ARHGAP32: variants seen among roughly 807,000 people sequenced by gnomAD.
ARHGAP32 encodes rho GTPase-activating protein 32.
Under a neutral mutation model 186.5 loss-of-function variants are expected in ARHGAP32, and 51 were observed. The ratio of observed to expected loss-of-function variants is 0.27; its 90% CI spans 0.22 to 0.35. The LOEUF is 0.35. ARHGAP32 is among the 10% of genes least tolerant of loss of function. The pLI is 1.00. For missense variants in ARHGAP32, 2,186 were observed against 2,623.5 expected (o/e 0.83, Z 3.64); for synonymous variants, 950 against 964.3 (o/e 0.99, Z 0.27).
chr11:129,184,772 T>C (rs1944126131), intron 1 of ARHGAP32, among the ~76,000 whole-genome samples: 1 of 151,980 alleles, frequency 6.6e-6, no homozygotes, highest in South Asian at 2.1e-4. Flanking sequence ...AAAGAAACTC[T>C]TAACAAGTAG....
intron 5 of ARHGAP32, 53 bp from the exon 6 acceptor site, chr11:129,093,760 G>A (rs913204602): frequency 3.0e-5 from 37 of 1,243,788 alleles, no homozygotes; most frequent in African/African-American, 6.0e-5. Context: ...ATTAGTAAAC[G>A]AGAATAAACT....
intron 11 of ARHGAP32, among the ~76,000 whole-genome samples, chr11:129,038,793 A>T (rs187881594): frequency 6.7e-6 from 1 of 149,790 alleles, no homozygotes; most frequent in East Asian, 2.0e-4. Context: ...AGGCTGAGTC[A>T]GAAGGATCAT....
At chr11:129,043,281 T>C (rs577918864) in intron 10 of ARHGAP32, among the ~76,000 whole-genome samples, 5 of 152,250 alleles carry the variant, frequency 3.3e-5, no homozygotes, top group African/African-American at 9.6e-5. Flanking sequence ...AATTTGATGT[T>C]TGGTGCTCTC....
chr11:128,975,359 C>A (rs1238107025), intron 20 of ARHGAP32, among the ~76,000 whole-genome samples: 3 of 152,062 alleles, frequency 2.0e-5, no homozygotes, highest in Non-Finnish European at 2.9e-5. Flanking sequence ...TATCACTGGC[C>A]TCATATGACT....
chr11:129,086,194 G>A (rs1941388980), intron 6 of ARHGAP32, among the ~76,000 whole-genome samples: 1 of 152,082 alleles, frequency 6.6e-6, no homozygotes, highest in African/African-American at 2.4e-5. Flanking sequence ...ATACAGACTT[G>A]TTAAAGGGTG....
At chr11:129,016,989 C>T (rs1938374861) in intron 11 of ARHGAP32, among the ~76,000 whole-genome samples, 1 of 152,094 alleles carries the variant, frequency 6.6e-6, no homozygotes, top group Non-Finnish European at 1.5e-5. Context: ...ATGGTGTTTT[C>T]TAAATTACAT....
chr11:129,181,634 A>G (rs1944055369), intron 1 of ARHGAP32, among the ~76,000 whole-genome samples: 2 of 152,138 alleles, frequency 1.3e-5, no homozygotes, highest in African/African-American at 2.4e-5. Flanking sequence ...CAGAATTCCT[A>G]AAAAATAAAG....
intron 3 of ARHGAP32, among the ~76,000 whole-genome samples, chr11:129,124,550 T>A (rs1377031266): frequency 6.6e-6 from 1 of 152,210 alleles, no homozygotes; most frequent in Non-Finnish European, 1.5e-5. Context: ...ATGGTTAGAC[T>A]GTTCCTATCA....
At chr11:129,265,525 T>C (rs1416381775) in intron 1 of ARHGAP32, among the ~76,000 whole-genome samples, 1 of 152,208 alleles carries the variant, frequency 6.6e-6, no homozygotes, top group African/African-American at 2.4e-5. Flanking sequence ...ACACAGGCAC[T>C]TGAAGGGCAA....
At position 129,043,381 on chromosome 11, in the gene ARHGAP32, CTTTTTTTTT is replaced by C. The variant is rs1213682729; in HGVS notation, c.964-2381_964-2373del. 3.2e-3 allele frequency among the ~76,000 whole-genome samples: 328 copies of C among 103,360 alleles called. 1 individual carries two copies. The highest frequency in any genetic ancestry group is 0.012 in the African/African-American group (320 of 25,888). 67.8% of individuals were successfully genotyped at this position (103,360 alleles called of 152,430 possible). A position where few individuals can be genotyped will look rare whatever the true frequency, so the allele number is the denominator to read the frequency against. On this transcript the variant is annotated intron_variant, in intron 10 of 22. Transcript: ENST00000682385. ...TCTTTCTATGCAAATTTCTTTTTTT[CTTTTTTTTT>C]TTTTTTTTTTTGCGCAACGGAGGTT...
At chr11:129,267,890 G>A (rs1019036505) in intron 1 of ARHGAP32, among the ~76,000 whole-genome samples, 2 of 152,074 alleles carry the variant, frequency 1.3e-5, no homozygotes, top group African/African-American at 4.8e-5. Context: ...GTGGAGGGAG[G>A]TACCAGGCTC....
chr11:129,070,092 C>A (rs1362602571), intron 6 of ARHGAP32, among the ~76,000 whole-genome samples: 1 of 151,998 alleles, frequency 6.6e-6, no homozygotes, highest in Admixed American at 6.6e-5. Flanking sequence ...ATGAGAACAG[C>A]AGCCAGTAAT....
Position 129,068,725 on chromosome 11 carries a change from A to G in ARHGAP32, c.532-1857T>C, listed in dbSNP as rs56229342. Among the ~76,000 whole-genome samples the G allele has an allele frequency of 7.1e-3, 1,081 of 151,966 alleles. 7 individuals carry two copies. Among genetic ancestry groups the G allele is most frequent in the South Asian group, 0.016 (78 of 4,828 alleles). On this transcript the variant is annotated intron_variant, in intron 6 of 22. Transcript: ENST00000682385. ...GCCTATTACTACCAAAATCCTGTTC[A>G]TTTTCTCTATTACAATGACTTTTAT...
chr11:129,034,709 A>G (rs1224047276), intron 11 of ARHGAP32, among the ~76,000 whole-genome samples: 1 of 151,078 alleles, frequency 6.6e-6, no homozygotes, highest in Non-Finnish European at 1.5e-5. Flanking sequence ...AGGACAACAG[A>G]AAGTATCCAA....
At chr11:129,208,717 T>C (rs1385029538) in intron 1 of ARHGAP32, among the ~76,000 whole-genome samples, 1 of 151,114 alleles carries the variant, frequency 6.6e-6, no homozygotes, top group African/African-American at 2.4e-5. Flanking sequence ...CAGGCTGGAA[T>C]GCAGTGGAAC....
At chr11:129,194,510 T>C (rs1187905964), upstream of ARHGAP32, among the ~76,000 whole-genome samples, 1 of 152,194 alleles carries the variant, frequency 6.6e-6, no homozygotes, top group Non-Finnish European at 1.5e-5. Context: ...TAGGGCAGTA[T>C]GTGCAGTATG....
At chr11:129,173,878 T>A (rs753045069) in intron 1 of ARHGAP32, among the ~76,000 whole-genome samples, 1 of 152,028 alleles carries the variant, frequency 6.6e-6, no homozygotes, top group Non-Finnish European at 1.5e-5. Flanking sequence ...GTACTTGAGG[T>A]CTTATTCACT....
At chr11:129,113,147 T>C (rs1942273938) in intron 5 of ARHGAP32, among the ~76,000 whole-genome samples, 1 of 152,182 alleles carries the variant, frequency 6.6e-6, no homozygotes, top group African/African-American at 2.4e-5. Context: ...CTCGTGGTGT[T>C]ATTCAAGGTT....
chr11:129,265,343 T>C (rs939041667), intron 1 of ARHGAP32, among the ~76,000 whole-genome samples: 2 of 152,206 alleles, frequency 1.3e-5, no homozygotes, highest in Admixed American at 1.3e-4. Context: ...CTTGACCAGA[T>C]GGTAATTCTC....
Sources: gnomAD v4.1 joint callset for allele counts (sites outside exome capture counted in the v4.1 genomes callset) on GRCh38, gnomAD v4.1.1 for gene constraint, MANE v1.5 for transcripts, NCBI Gene and HGNC (gene_info 2026-07-23, HGNC 2026-07-21) for gene names.